The following NBAS variants were observed in gnomAD, a reference collection of about 807,000 sequenced individuals.
NBAS encodes the protein NAG/BC035112 fusion.
A neutral mutation model predicts 302.5 loss-of-function variants in NBAS; 219 were observed. The ratio of observed to expected loss-of-function variants is 0.72; its 90% CI spans 0.65 to 0.81. The LOEUF (loss-of-function observed/expected upper bound fraction) is 0.81. Among genes scored for constraint, NBAS ranks in the 30% least tolerant of loss-of-function variants. The pLI is 0.00. For synonymous variants in NBAS, 1,118 were observed against 1,021.6 expected, an observed-to-expected ratio of 1.09 and a Z score of -1.80; for missense variants, 2,932 against 2,841.6, an observed-to-expected ratio of 1.03 and a Z score of -0.72.
chr2:15,553,811 TCC>T, intron 4 of NBAS, among the ~76,000 whole-genome samples: 1 of 111,936 alleles, frequency 8.9e-6, no homozygotes, highest in East Asian at 3.1e-4. Context: ...TCTCCCTCCC[TCC>T]CTCTCTCCCT....
At chr2:15,091,631 C>G in the NBAS span, among the ~76,000 whole-genome samples, 2 of 151,698 alleles carry the variant, frequency 1.3e-5, no homozygotes, top group Non-Finnish European at 2.9e-5. Context: ...TTCCCGGGTT[C>G]AAGCAATTCT....
the NBAS span, among the ~76,000 whole-genome samples, chr2:14,880,812 A>G: frequency 6.6e-6 from 1 of 152,022 alleles, no homozygotes; most frequent in Non-Finnish European, 1.5e-5. Flanking sequence ...GATTAAAAAG[A>G]CCTACAATGT....
chr2:15,194,280 T>C (rs988285844), intron 48 of NBAS, among the ~76,000 whole-genome samples: 2 of 151,858 alleles, frequency 1.3e-5, no homozygotes, highest in African/African-American at 2.4e-5. Flanking sequence ...ACTTGAAAAG[T>C]AGGTAGAAAA....
At chr2:15,504,018 CAT>C in intron 11 of NBAS, 125 bp downstream of exon 11, 6 of 755,154 alleles carry the variant, frequency 7.9e-6, no homozygotes, top group Admixed American at 5.7e-5. Context: ...CATATAGCCA[CAT>C]AGTGTATATG....
At position 15,343,115 on chromosome 2, in the gene NBAS, T is replaced by C. The variant is rs748431963; in HGVS notation, c.4179+8877A>G. On this transcript the variant is annotated intron_variant, in intron 35 of 51. Transcript: ENST00000281513. ...AAGCATACCCTGCAAAGAAAAAACT[T>C]CATCCAGATTTACTGTCCAGGCTAT... 8.5e-5 allele frequency among the ~76,000 whole-genome samples: 13 copies of C among 152,200 alleles called. No homozygotes were observed. The South Asian group carries it at 1.2e-3, about 15-fold the overall frequency.
At chr2:15,194,771 A>G (rs1364875728) in intron 48 of NBAS, among the ~76,000 whole-genome samples, 1 of 152,242 alleles carries the variant, frequency 6.6e-6, no homozygotes, top group Non-Finnish European at 1.5e-5. Flanking sequence ...TGACCCAAAT[A>G]TGGAGGTGAG....
chr2:14,990,927 G>C, the NBAS span, among the ~76,000 whole-genome samples: 18,387 of 152,232 alleles, frequency 0.12, 1,267 homozygotes, highest in Middle Eastern at 0.2. Flanking sequence ...GACAACTACA[G>C]AGGAGAGACA....
At chr2:15,020,489 G>A in the NBAS span, among the ~76,000 whole-genome samples, 1 of 152,196 alleles carries the variant, frequency 6.6e-6, no homozygotes, top group Non-Finnish European at 1.5e-5. Context: ...TCACAATGGA[G>A]GCAAAGGCAG....
the NBAS span, among the ~76,000 whole-genome samples, chr2:14,817,577 A>G: frequency 6.6e-6 from 1 of 152,228 alleles, no homozygotes; most frequent in Non-Finnish European, 1.5e-5. Flanking sequence ...AAATTTGTGC[A>G]TAAATAATTT....
chr2:15,520,360 T>C (rs1013689338), intron 9 of NBAS, among the ~76,000 whole-genome samples: 1 of 152,230 alleles, frequency 6.6e-6, no homozygotes, highest in South Asian at 2.1e-4. Context: ...CAAGATCACA[T>C]ACATCACTGC....
intron 19 of NBAS, 34 bp downstream of exon 19, chr2:15,467,295 G>A: frequency 7.1e-7 from 1 of 1,414,874 alleles, no homozygotes; most frequent in Non-Finnish European, 1.0e-6. Flanking sequence ...CAGATCAAAT[G>A]AACATAATTG....
intron 44 of NBAS, among the ~76,000 whole-genome samples, chr2:15,272,410 T>C (rs1184768631): frequency 6.6e-6 from 1 of 152,220 alleles, no homozygotes; most frequent in Non-Finnish European, 1.5e-5. Context: ...CCAGCTGCAT[T>C]TCCTCTTCCA....
chr2:14,813,578 G>A, the NBAS span, among the ~76,000 whole-genome samples: 1 of 152,174 alleles, frequency 6.6e-6, no homozygotes, highest in Non-Finnish European at 1.5e-5. Context: ...TGATCTTGCT[G>A]CTTCCAACAG....
chr2:14,952,992 G>A, the NBAS span, among the ~76,000 whole-genome samples: 2 of 152,336 alleles, frequency 1.3e-5, no homozygotes, highest in South Asian at 2.1e-4. Context: ...GGTAGATGGA[G>A]AGGTAGCAGT....
chr2:15,464,903 C>A (rs1042370961), intron 19 of NBAS, among the ~76,000 whole-genome samples: 1 of 152,204 alleles, frequency 6.6e-6, no homozygotes, highest in Admixed American at 6.5e-5. Flanking sequence ...TGCTTTCATG[C>A]CACTGGGCCT....
At chr2:15,081,068 T>C in the NBAS span, among the ~76,000 whole-genome samples, 1 of 152,160 alleles carries the variant, frequency 6.6e-6, no homozygotes, top group Non-Finnish European at 1.5e-5. Flanking sequence ...TTTCTGTCTC[T>C]TGGTGGTCTT....
intron 40 of NBAS, among the ~76,000 whole-genome samples, chr2:15,304,252 TGC>T (rs1239315800): frequency 6.6e-6 from 1 of 152,222 alleles, no homozygotes; most frequent in Non-Finnish European, 1.5e-5. Context: ...GGGCTTTTCC[TGC>T]TTTGCTCAGC....
chr2:15,510,007 G>T (rs1023524668), intron 10 of NBAS, among the ~76,000 whole-genome samples: 3 of 152,146 alleles, frequency 2.0e-5, no homozygotes, highest in Admixed American at 2.0e-4. Flanking sequence ...ACACCACCAG[G>T]CCCAGCTAAT....
At chr2:15,350,245 CA>C (rs2148293894) in intron 35 of NBAS, among the ~76,000 whole-genome samples, 1 of 151,922 alleles carries the variant, frequency 6.6e-6, no homozygotes, top group South Asian at 2.1e-4. Flanking sequence ...GTAGAGTACA[CA>C]AATACTAATG....
Sources: allele counts gnomAD v4.1 joint callset (sites outside exome capture counted in the v4.1 genomes callset), GRCh38; gene constraint gnomAD v4.1.1; transcripts MANE v1.5; gene names NCBI Gene and HGNC (gene_info 2026-07-23, HGNC 2026-07-21).